Variants in CHP1 observed in about 807,000 individuals in gnomAD.
The protein encoded by CHP1 is calcineurin B homologous protein 1.
A neutral mutation model predicts 27.4 loss-of-function variants in CHP1; 11 were observed. The ratio of observed to expected loss-of-function variants is 0.40; its 90% CI spans 0.25 to 0.67. The LOEUF (loss-of-function observed/expected upper bound fraction) is 0.67. CHP1 is among the 30% of genes least tolerant of loss of function. The pLI is 0.38. For synonymous variants in CHP1, 89 were observed against 87.4 expected, an observed-to-expected ratio of 1.02 and a Z score of -0.10; for missense variants, 169 against 251.3, an observed-to-expected ratio of 0.67 and a Z score of 2.22.
intron 3 of CHP1, 98 bp from the exon 4 acceptor site, chr15:41,262,658 C>T: frequency 6.8e-7 from 1 of 1,469,240 alleles, no homozygotes; most frequent in South Asian, 1.2e-5. Context: ...AATGACCTTT[C>T]AGGCTACCGT....
rs554663382 is a variant in CHP1, at chr15:41,248,655, G to A, written c.140+4916G>A. ...AGGTTGGGCGAGGAGACTCATGCCTGTAATCCCAGCACTTTGGGAGGCTGA... is the reference window on the plus strand; with the variant it reads ...AGGTTGGGCGAGGAGACTCATGCCTATAATCCCAGCACTTTGGGAGGCTGA... On this transcript the variant is annotated intron_variant, in intron 2 of 6. Transcript: ENST00000334660. Among the ~76,000 whole-genome samples, 28 of 152,252 alleles carry A rather than the reference G, an allele frequency of 1.8e-4. 1 individual carries two copies. The South Asian group carries it at 5.8e-3, about 32-fold the overall frequency.
At chr15:41,270,189 T>G (rs925695596) in intron 4 of CHP1, among the ~76,000 whole-genome samples, 14 of 152,056 alleles carry the variant, frequency 9.2e-5, no homozygotes, top group Non-Finnish European at 5.9e-5. Context: ...CTATTGTTGG[T>G]TTTCCCTGAG....
At position 41,258,519 on chromosome 15, in the gene CHP1, T is replaced by G. The variant is rs1228842018; in HGVS notation, c.221+1529T>G. On this transcript the variant is annotated intron_variant, in intron 3 of 6. Transcript: ENST00000334660. ...CTTTAGCCTCCTTTAATCTGGAACA[T>G]TTCCCCAGCCTTTATTTTACTTTCG... Among the ~76,000 whole-genome samples, 3 of 152,296 alleles carry G rather than the reference T, an allele frequency of 2.0e-5. No homozygotes were observed. The East Asian group carries it at 5.8e-4, about 29-fold the overall frequency.
At chr15:41,233,458 C>G (rs975252124) in intron 1 of CHP1, among the ~76,000 whole-genome samples, 2 of 152,190 alleles carry the variant, frequency 1.3e-5, no homozygotes, top group Non-Finnish European at 2.9e-5. Flanking sequence ...ACTAAGTGCT[C>G]ATGGAAAAGC....
intron 1 of CHP1, among the ~76,000 whole-genome samples, chr15:41,238,156 T>C (rs951690734): frequency 2.0e-5 from 3 of 152,138 alleles, no homozygotes; most frequent in Admixed American, 6.6e-5. Context: ...TTTTGTTTTT[T>C]TGGCGTGTGT....
intron 3 of CHP1, among the ~76,000 whole-genome samples, chr15:41,257,212 T>C (rs976011523): frequency 2.0e-5 from 3 of 152,238 alleles, no homozygotes; most frequent in African/African-American, 7.2e-5. Context: ...AAAATTCTTA[T>C]GTTTATCATT....
At chr15:41,259,880 A>G (rs746249140) in intron 3 of CHP1, among the ~76,000 whole-genome samples, 5 of 152,096 alleles carry the variant, frequency 3.3e-5, no homozygotes, top group Non-Finnish European at 7.4e-5. Context: ...AGCCTCCCCA[A>G]GTAGCTGGGA....
At chr15:41,251,577 T>C (rs904881206) in intron 2 of CHP1, among the ~76,000 whole-genome samples, 12 of 152,068 alleles carry the variant, frequency 7.9e-5, no homozygotes, top group African/African-American at 2.7e-4. Context: ...GAGCACCGCC[T>C]CCGGTCAGAT....
At position 41,249,381 on chromosome 15, in the gene CHP1, T is replaced by C. The variant is rs148452491; in HGVS notation, c.140+5642T>C. ...TTCCCCATGACTGGTCTCGAACTCCTGAACTCAAACCATCTGCCTGCCTCA... is the reference window on the plus strand; with the variant it reads ...TTCCCCATGACTGGTCTCGAACTCCCGAACTCAAACCATCTGCCTGCCTCA... On this transcript the variant is annotated intron_variant, in intron 2 of 6. Coordinates refer to ENST00000334660, the MANE Select transcript of CHP1 (RefSeq NM_007236.5). Among the ~76,000 whole-genome samples, 737 of 151,480 alleles carry C rather than the reference T, an allele frequency of 4.9e-3. 5 individuals are homozygous for C. Among genetic ancestry groups the C allele is most frequent in the Non-Finnish European group, 8.9e-3 (606 of 67,938 alleles).
At chr15:41,253,095 T>C (rs1289948367) in intron 2 of CHP1, among the ~76,000 whole-genome samples, 1 of 151,496 alleles carries the variant, frequency 6.6e-6, no homozygotes, top group Non-Finnish European at 1.5e-5. Context: ...CGCGCCACCA[T>C]GCCCAGCTAA....
chr15:41,265,020 T>G (rs1041655196), intron 4 of CHP1, among the ~76,000 whole-genome samples: 7 of 152,062 alleles, frequency 4.6e-5, no homozygotes, highest in Admixed American at 4.6e-4. Context: ...CAATTGAATG[T>G]CATATACCTA....
intron 3 of CHP1, among the ~76,000 whole-genome samples, chr15:41,261,777 G>T (rs978965932): frequency 6.6e-6 from 1 of 151,988 alleles, no homozygotes; most frequent in Non-Finnish European, 1.5e-5. Context: ...CAGATCACCT[G>T]AGGTCGGGAG....
intron 2 of CHP1, among the ~76,000 whole-genome samples, chr15:41,248,414 TCTC>T (rs1372217435): frequency 6.6e-6 from 1 of 152,078 alleles, no homozygotes; most frequent in African/African-American, 2.4e-5. Flanking sequence ...GCTTGGTGCT[TCTC>T]CTGTTATTTT....
Position 41,271,200 on chromosome 15 carries a change from A to G in CHP1, c.411+582A>G, listed in dbSNP as rs551936157. Among the ~76,000 whole-genome samples, 14 of 147,892 alleles carry G rather than the reference A, an allele frequency of 9.5e-5. No homozygotes were observed. In the South Asian group the frequency reaches 3.0e-3, roughly 32 times the overall value. On this transcript the variant is annotated intron_variant, in intron 5 of 6. Transcript: ENST00000334660. ...AACCTGGGAGGCGGAGCTTGCAGTG[A>G]GCAGAGCTCACTCCACTGCACTCCA...
intron 2 of CHP1, among the ~76,000 whole-genome samples, chr15:41,247,587 A>C (rs1186281343): frequency 6.7e-6 from 1 of 148,158 alleles, no homozygotes; most frequent in Admixed American, 6.7e-5. Flanking sequence ...CAGGAGAATC[A>C]CTTGAACCCG....
At chr15:41,234,891 C>G (rs536283197) in intron 1 of CHP1, among the ~76,000 whole-genome samples, 139 of 152,196 alleles carry the variant, frequency 9.1e-4, no homozygotes, top group Non-Finnish European at 1.7e-3. Flanking sequence ...GGGGAGGTGA[C>G]AGCATTTTAT....
At chr15:41,267,108 T>C (rs1012103773) in intron 4 of CHP1, among the ~76,000 whole-genome samples, 1 of 152,152 alleles carries the variant, frequency 6.6e-6, no homozygotes, top group Non-Finnish European at 1.5e-5. Context: ...ATGATTCCTC[T>C]TATGTGAGGT....
intron 3 of CHP1, among the ~76,000 whole-genome samples, chr15:41,260,610 G>A (rs542111221): frequency 9.2e-5 from 14 of 152,040 alleles, no homozygotes; most frequent in Non-Finnish European, 1.8e-4. Flanking sequence ...GGCCAGGCTG[G>A]TCTTGAACTC....
chr15:41,274,630 AC>A (rs1381270898), intron 5 of CHP1, among the ~76,000 whole-genome samples: 8 of 152,108 alleles, frequency 5.3e-5, no homozygotes, highest in Non-Finnish European at 8.8e-5. Context: ...AGATACCCAT[AC>A]ATAATCCAGT....
Sources: gnomAD v4.1 joint callset for allele counts (sites outside exome capture counted in the v4.1 genomes callset) on GRCh38, gnomAD v4.1.1 for gene constraint, MANE v1.5 for transcripts, NCBI Gene and HGNC (gene_info 2026-07-23, HGNC 2026-07-21) for gene names.